Variants in ARL15 observed in about 807,000 individuals in gnomAD.
ARL15 encodes ADP-ribosylation factor-like protein 15.
Under a neutral mutation model 25.2 loss-of-function variants are expected in ARL15, and 19 were observed. That is an observed-to-expected ratio of 0.75 (90% CI 0.53 to 1.10). The LOEUF is 1.10. ARL15 is among the 50% of genes least tolerant of loss of function. The pLI is 0.00. For synonymous variants in ARL15, 94 were observed against 86.8 expected (o/e 1.08, Z -0.46); for missense variants, 220 against 246.0 (o/e 0.89, Z 0.71).
intron 1 of ARL15, among the ~76,000 whole-genome samples, chr5:54,206,068 AAAAAC>A (rs1482225694): frequency 2.0e-5 from 3 of 152,180 alleles, no homozygotes; most frequent in Admixed American, 2.0e-4. Context: ...ACTGGACAGG[AAAAAC>A]AAAACAAACC....
chr5:54,119,874 T>C (rs537434160), intron 3 of ARL15, among the ~76,000 whole-genome samples: 111 of 152,304 alleles, frequency 7.3e-4, no homozygotes, highest in South Asian at 1.7e-3. Context: ...CTTTACCTGA[T>C]CTTGCAGCTG....
At chr5:53,888,471 G>A (rs1248714721) in intron 4 of ARL15, among the ~76,000 whole-genome samples, 1 of 151,914 alleles carries the variant, frequency 6.6e-6, no homozygotes, top group African/African-American at 2.4e-5. Context: ...TTCTGTAGAG[G>A]TGGGGTCTAA....
At chr5:54,172,300 C>A (rs1754744187) in intron 1 of ARL15, among the ~76,000 whole-genome samples, 1 of 151,972 alleles carries the variant, frequency 6.6e-6, no homozygotes, top group African/African-American at 2.4e-5. Context: ...CTGTTCTCCT[C>A]CAAAATATCA....
At chr5:53,924,126 G>A (rs1029295137) in intron 4 of ARL15, among the ~76,000 whole-genome samples, 1 of 152,214 alleles carries the variant, frequency 6.6e-6, no homozygotes, top group Non-Finnish European at 1.5e-5. Flanking sequence ...GTCTGACATT[G>A]TGTCAGATTT....
intron 4 of ARL15, among the ~76,000 whole-genome samples, chr5:53,908,735 C>T (rs892975070): frequency 3.9e-5 from 6 of 152,084 alleles, no homozygotes; most frequent in Non-Finnish European, 7.3e-5. Flanking sequence ...CCTGGGATTC[C>T]GTACACTCAC....
chr5:53,961,822 T>C (rs1302181322), intron 4 of ARL15, among the ~76,000 whole-genome samples: 3 of 152,216 alleles, frequency 2.0e-5, no homozygotes, highest in African/African-American at 7.2e-5. Flanking sequence ...AATGTATGTC[T>C]ATAATATACA....
chr5:53,938,833 G>A (rs1325082028), intron 4 of ARL15, among the ~76,000 whole-genome samples: 2 of 152,014 alleles, frequency 1.3e-5, no homozygotes. Flanking sequence ...GACAGAGAGA[G>A]ACTCTGTCTC....
chr5:54,275,268 C>T (rs1413759372), intron 1 of ARL15, among the ~76,000 whole-genome samples: 1 of 152,212 alleles, frequency 6.6e-6, no homozygotes, highest in Non-Finnish European at 1.5e-5. Context: ...TGCCTTAGCT[C>T]ATGTACTTGT....
At chr5:54,130,382 T>C (rs554935466) in intron 3 of ARL15, among the ~76,000 whole-genome samples, 27 of 152,358 alleles carry the variant, frequency 1.8e-4, no homozygotes, top group African/African-American at 6.0e-4. Flanking sequence ...AGTGACGATG[T>C]GGCATCATTA....
At chr5:53,943,208 T>C (rs1746602884) in intron 4 of ARL15, among the ~76,000 whole-genome samples, 1 of 152,158 alleles carries the variant, frequency 6.6e-6, no homozygotes, top group South Asian at 2.1e-4. Context: ...CTGATTGTAA[T>C]AATTCACTAG....
intron 3 of ARL15, among the ~76,000 whole-genome samples, chr5:54,121,442 G>T (rs1234332450): frequency 6.6e-6 from 1 of 152,028 alleles, no homozygotes; most frequent in Non-Finnish European, 1.5e-5. Context: ...GAATGGCAAA[G>T]AAAAAGTCTA....
intron 4 of ARL15, among the ~76,000 whole-genome samples, chr5:54,043,207 T>C (rs1750400887): frequency 6.3e-5 from 1 of 15,758 alleles, no homozygotes; most frequent in South Asian, 3.5e-3. Flanking sequence ...ACATGCCTCT[T>C]TTTTTTTTTA....
chr5:53,970,529 G>A lies in ARL15; in HGVS notation c.463-83816C>T, dbSNP rs370425038. On this transcript the variant is annotated intron_variant, in intron 4 of 4. Coordinates refer to ENST00000504924, the MANE Select transcript of ARL15 (RefSeq NM_019087.3). ...GAGAGAGAGAGCGAGAGAGAACTCC[G>A]TTTTTATTTGTTGATATTTGGTCCT... Among the ~76,000 whole-genome samples, 7 of 152,144 alleles carry A rather than the reference G, an allele frequency of 4.6e-5. No homozygotes were observed. The East Asian group carries it at 7.7e-4, about 17-fold the overall frequency.
chr5:53,892,449 A>G (rs914501437), intron 4 of ARL15, among the ~76,000 whole-genome samples: 2 of 152,198 alleles, frequency 1.3e-5, no homozygotes, highest in African/African-American at 4.8e-5. Flanking sequence ...GAATCTGTTA[A>G]CTGTCTTGAA....
intron 1 of ARL15, among the ~76,000 whole-genome samples, chr5:54,230,346 G>GAAAA (rs137882615): frequency 5.1e-3 from 469 of 91,530 alleles, no homozygotes; most frequent in Non-Finnish European, 6.5e-3. Context: ...TTCCATCTCA[G>GAAAA]AAAAAAAAAA....
chr5:54,072,515 A>C (rs1015224599), intron 4 of ARL15, among the ~76,000 whole-genome samples: 5 of 152,336 alleles, frequency 3.3e-5, no homozygotes, highest in Admixed American at 3.3e-4. Context: ...TGTGGTCTAA[A>C]TGTCTCCGAG....
At chr5:54,058,984 ATTTT>A (rs1750975383) in intron 4 of ARL15, among the ~76,000 whole-genome samples, 1 of 152,132 alleles carries the variant, frequency 6.6e-6, no homozygotes, top group Non-Finnish European at 1.5e-5. Context: ...TGAAAGGATA[ATTTT>A]AATTGCACAA....
chr5:54,011,999 C>A (rs753607517), intron 4 of ARL15, among the ~76,000 whole-genome samples: 1 of 142,380 alleles, frequency 7.0e-6, no homozygotes. Context: ...CAGAGCAAGA[C>A]TCTGTCTCAA....
chr5:53,943,715 T>C (rs1746624577), intron 4 of ARL15, among the ~76,000 whole-genome samples: 1 of 152,116 alleles, frequency 6.6e-6, no homozygotes, highest in Non-Finnish European at 1.5e-5. Flanking sequence ...GAAAGATTGT[T>C]GGAAGGAAAG....
Sources: gnomAD v4.1 joint callset for allele counts (sites outside exome capture counted in the v4.1 genomes callset) on GRCh38, gnomAD v4.1.1 for gene constraint, MANE v1.5 for transcripts, NCBI Gene and HGNC (gene_info 2026-07-23, HGNC 2026-07-21) for gene names.